LGSN: variants seen among roughly 807,000 people sequenced by gnomAD.
LGSN encodes the protein lengsin.
LGSN carries 21 observed loss-of-function variants against 19.5 expected under a neutral mutation model. The ratio of observed to expected loss-of-function variants is 1.07; its 90% CI spans 0.76 to 1.55. LGSN has a LOEUF of 1.55. Among genes scored for constraint, LGSN ranks in the 40% most tolerant of loss-of-function variants. LGSN has a pLI of 0.00. For missense variants in LGSN, 673 were observed against 608.5 expected (o/e 1.11, Z -1.12); for synonymous variants, 257 against 215.6 (o/e 1.19, Z -1.68).
At chr6:63,394,698 T>C in the LGSN span, among the ~76,000 whole-genome samples, 1 of 152,332 alleles carries the variant, frequency 6.6e-6, no homozygotes, top group Non-Finnish European at 1.5e-5. Flanking sequence ...TCGAATTCTT[T>C]TTTGCACGAG....
chr6:63,323,249 T>C (rs1396892884), upstream of LGSN, among the ~76,000 whole-genome samples: 1 of 152,162 alleles, frequency 6.6e-6, no homozygotes, highest in African/African-American at 2.4e-5. Flanking sequence ...AATACATTTC[T>C]TTTTATTTGT....
At chr6:63,393,441 A>C in the LGSN span, among the ~76,000 whole-genome samples, 4 of 151,812 alleles carry the variant, frequency 2.6e-5, no homozygotes, top group Non-Finnish European at 5.9e-5. Flanking sequence ...AGCCTCCCAA[A>C]GTGCTAGGAT....
At chr6:63,431,169 A>G in the LGSN span, among the ~76,000 whole-genome samples, 3 of 152,320 alleles carry the variant, frequency 2.0e-5, no homozygotes, top group Admixed American at 2.0e-4. Context: ...TTACAGATTC[A>G]TAATCAGAAG....
the LGSN span, chr6:63,441,957 C>G: frequency 9.4e-6 from 2 of 212,844 alleles, no homozygotes; most frequent in Non-Finnish European, 9.3e-6. Flanking sequence ...GTGAGTGTTA[C>G]AGTTCTTAAA....
chr6:63,534,732 G>T, the LGSN span, among the ~76,000 whole-genome samples: 15 of 136,308 alleles, frequency 1.1e-4, no homozygotes, highest in African/African-American at 3.9e-4. Flanking sequence ...TGGATCACCT[G>T]AGGTCAGGAG....
At chr6:63,401,113 C>A in the LGSN span, among the ~76,000 whole-genome samples, 1 of 152,048 alleles carries the variant, frequency 6.6e-6, no homozygotes, top group Non-Finnish European at 1.5e-5. Flanking sequence ...TACCTATGTC[C>A]TTCTTATGCA....
the LGSN span, among the ~76,000 whole-genome samples, chr6:63,363,897 A>G: frequency 2.6e-5 from 4 of 152,302 alleles, no homozygotes; most frequent in East Asian, 7.7e-4. Flanking sequence ...CACAATTGTC[A>G]GATTCAACAA....
the LGSN span, among the ~76,000 whole-genome samples, chr6:63,558,398 C>G: frequency 6.6e-6 from 1 of 152,156 alleles, no homozygotes; most frequent in Non-Finnish European, 1.5e-5. Context: ...CCACTGCTCT[C>G]CAGACTCAAT....
the LGSN span, among the ~76,000 whole-genome samples, chr6:63,504,244 C>CTT: frequency 3.5e-5 from 5 of 144,138 alleles, no homozygotes; most frequent in Admixed American, 6.9e-5. Flanking sequence ...TCAAGCGATT[C>CTT]TTTTTTTTTT....
chr6:63,529,103 G>A, the LGSN span, among the ~76,000 whole-genome samples: 1 of 147,204 alleles, frequency 6.8e-6, no homozygotes, highest in Non-Finnish European at 1.5e-5. Context: ...ATATATATAT[G>A]TGTGTATATA....
chr6:63,412,589 G>C, the LGSN span, among the ~76,000 whole-genome samples: 1 of 112,036 alleles, frequency 8.9e-6, no homozygotes, highest in Admixed American at 1.0e-4. Flanking sequence ...GAAAGAAAGA[G>C]GCAAAGAAAG....
chr6:63,417,749 AT>A, the LGSN span, among the ~76,000 whole-genome samples: 1 of 152,186 alleles, frequency 6.6e-6, no homozygotes, highest in Non-Finnish European at 1.5e-5. Flanking sequence ...GAGGAGGAAA[AT>A]GCTGGAAGAA....
At chr6:63,284,034 AT>A (rs1283120039) in intron 3 of LGSN, among the ~76,000 whole-genome samples, 1 of 152,118 alleles carries the variant, frequency 6.6e-6, no homozygotes, top group Non-Finnish European at 1.5e-5. Context: ...TTCACAGCAA[AT>A]TTTCCAAAAT....
chr6:63,484,949 C>A, the LGSN span, among the ~76,000 whole-genome samples: 4 of 152,192 alleles, frequency 2.6e-5, no homozygotes, highest in Non-Finnish European at 4.4e-5. Flanking sequence ...GTGAAACCTG[C>A]AAGTTTTAAA....
the LGSN span, among the ~76,000 whole-genome samples, chr6:63,498,049 G>A: frequency 1.3e-5 from 2 of 150,826 alleles, no homozygotes; most frequent in Admixed American, 1.3e-4. Flanking sequence ...CTCCCGAGTA[G>A]CTGGGATTAC....
the LGSN span, among the ~76,000 whole-genome samples, chr6:63,532,497 T>C: frequency 3.3e-5 from 5 of 152,068 alleles, no homozygotes; most frequent in African/African-American, 1.2e-4. Context: ...TCTGGAAGCC[T>C]TTTCTATACC....
the LGSN span, among the ~76,000 whole-genome samples, chr6:63,412,894 AAG>A: frequency 3.0e-4 from 44 of 146,920 alleles, no homozygotes; most frequent in Non-Finnish European, 5.2e-4. Context: ...GAGGGAGAGA[AAG>A]AGAGAGAGAG....
the LGSN span, among the ~76,000 whole-genome samples, chr6:63,386,604 G>A: frequency 6.6e-6 from 1 of 151,910 alleles, no homozygotes; most frequent in African/African-American, 2.4e-5. Context: ...AAAATGCTTT[G>A]TATCTAATAA....
chr6:63,320,897 C>T (rs1473858672), upstream of LGSN, among the ~76,000 whole-genome samples: 1 of 152,164 alleles, frequency 6.6e-6, no homozygotes, highest in Non-Finnish European at 1.5e-5. Context: ...ATTTCAAAAG[C>T]CCCATTTCCT....
Sources: allele counts gnomAD v4.1 joint callset (sites outside exome capture counted in the v4.1 genomes callset), GRCh38; gene constraint gnomAD v4.1.1; transcripts MANE v1.5; gene names NCBI Gene and HGNC (gene_info 2026-07-23, HGNC 2026-07-21).